The following THEMIS variants were observed in gnomAD, a reference collection of about 807,000 sequenced individuals.
THEMIS encodes protein THEMIS.
THEMIS carries 37 observed loss-of-function variants against 52.6 expected under a neutral mutation model. The observed-to-expected ratio is 0.70, with a 90% CI of 0.54 to 0.93. The LOEUF is 0.93. Among genes scored for constraint, THEMIS ranks in the 40% least tolerant of loss-of-function variants. The pLI is 0.00. For missense variants in THEMIS, 808 were observed against 763.1 expected, an observed-to-expected ratio of 1.06 and a Z score of -0.69; for synonymous variants, 292 against 272.7, an observed-to-expected ratio of 1.07 and a Z score of -0.70.
chr6:127,743,655 A>T (rs1443554963), intron 4 of THEMIS, among the ~76,000 whole-genome samples: 3 of 152,134 alleles, frequency 2.0e-5, no homozygotes, highest in Non-Finnish European at 4.4e-5. Context: ...TAGACATCTT[A>T]TTGTGCCCCC....
intron 4 of THEMIS, among the ~76,000 whole-genome samples, chr6:127,760,396 AT>A (rs1775982434): frequency 6.6e-6 from 1 of 152,050 alleles, no homozygotes; most frequent in South Asian, 2.1e-4. Context: ...TTTCAGAATT[AT>A]TTTTTCTATT....
chr6:127,728,038 G>A (rs1005626789), intron 4 of THEMIS, among the ~76,000 whole-genome samples: 3 of 152,156 alleles, frequency 2.0e-5, no homozygotes, highest in South Asian at 4.1e-4. Context: ...TCTCCATTTT[G>A]CTCAGAATGG....
At chr6:127,750,695 T>C (rs1775610706) in intron 4 of THEMIS, among the ~76,000 whole-genome samples, 2 of 151,770 alleles carry the variant, frequency 1.3e-5, no homozygotes, top group African/African-American at 4.8e-5. Context: ...GTTCAAGGTT[T>C]TGAGAACATT....
At chr6:127,777,589 A>G (rs1380415072) in intron 4 of THEMIS, among the ~76,000 whole-genome samples, 4 of 152,124 alleles carry the variant, frequency 2.6e-5, no homozygotes, top group African/African-American at 4.8e-5. Flanking sequence ...CTATCTGGGA[A>G]TAGCATGCTA....
At chr6:127,746,282 A>G (rs1324020517) in intron 4 of THEMIS, among the ~76,000 whole-genome samples, 1 of 151,840 alleles carries the variant, frequency 6.6e-6, no homozygotes, top group East Asian at 1.9e-4. Flanking sequence ...ATGCTGTGAA[A>G]GACAGTATTT....
At chr6:127,900,774 C>G (rs1781112386) in intron 1 of THEMIS, 68 bp downstream of exon 1, 1 of 1,377,614 alleles carries the variant, frequency 7.3e-7, no homozygotes, top group East Asian at 2.3e-5. Flanking sequence ...AATTCCCCCC[C>G]TCCAATTTTC....
chr6:127,698,950 G>T, the THEMIS span, among the ~76,000 whole-genome samples: 1 of 151,840 alleles, frequency 6.6e-6, no homozygotes, highest in African/African-American at 2.4e-5. Flanking sequence ...GATAATTCTA[G>T]AGTCTAGAAA....
intron 2 of THEMIS, among the ~76,000 whole-genome samples, chr6:127,852,489 T>G (rs1467791938): frequency 6.6e-6 from 1 of 151,494 alleles, no homozygotes; most frequent in Non-Finnish European, 1.5e-5. Flanking sequence ...AAAACAAGTC[T>G]CAATACATTT....
chr6:127,705,295 T>C (rs1216961263), downstream of THEMIS, among the ~76,000 whole-genome samples: 2 of 152,228 alleles, frequency 1.3e-5, no homozygotes, highest in African/African-American at 2.4e-5. Context: ...TCAGTAGATA[T>C]CAACTAGTCT....
At chr6:127,884,579 A>G (rs901290108) in intron 1 of THEMIS, among the ~76,000 whole-genome samples, 1 of 152,112 alleles carries the variant, frequency 6.6e-6, no homozygotes, top group African/African-American at 2.4e-5. Flanking sequence ...CCCAAAAGGA[A>G]CATGGTTTCT....
intron 2 of THEMIS, among the ~76,000 whole-genome samples, chr6:127,833,089 G>A (rs1238547899): frequency 6.6e-6 from 1 of 151,550 alleles, no homozygotes; most frequent in Non-Finnish European, 1.5e-5. Context: ...TGGCCTGTTA[G>A]TTCTCAAAAT....
chr6:127,809,603 A>G (rs1013769871), intron 4 of THEMIS, among the ~76,000 whole-genome samples: 40 of 152,080 alleles, frequency 2.6e-4, no homozygotes, highest in African/African-American at 8.9e-4. Context: ...AAAGAACTGT[A>G]GACTCTTCTC....
chr6:127,880,560 A>G (rs1170256439), intron 1 of THEMIS, among the ~76,000 whole-genome samples: 1 of 138,028 alleles, frequency 7.2e-6, no homozygotes. Flanking sequence ...TCCTGATGCC[A>G]AAAGACAAAT....
chr6:127,912,668 C>T (rs1192619710), intron 1 of THEMIS, among the ~76,000 whole-genome samples: 1 of 152,146 alleles, frequency 6.6e-6, no homozygotes, highest in Non-Finnish European at 1.5e-5. Flanking sequence ...TTTGAGAATT[C>T]TCAAACCTCT....
chr6:127,908,449 C>G (rs1025847759), intron 1 of THEMIS, among the ~76,000 whole-genome samples: 1 of 152,106 alleles, frequency 6.6e-6, no homozygotes, highest in Admixed American at 6.6e-5. Flanking sequence ...AGACTTGACT[C>G]AACTGAGTCG....
chr6:127,908,706 C>G (rs1242962610), intron 1 of THEMIS, among the ~76,000 whole-genome samples: 3 of 152,090 alleles, frequency 2.0e-5, no homozygotes, highest in African/African-American at 7.2e-5. Context: ...TGATGTAACT[C>G]TAACATTTTC....
chr6:127,744,219 A>G (rs1775305208), intron 4 of THEMIS, among the ~76,000 whole-genome samples: 1 of 152,032 alleles, frequency 6.6e-6, no homozygotes, highest in Admixed American at 6.6e-5. Context: ...TGGAAACAAC[A>G]TGTGTCTTTT....
At chr6:127,770,250 G>T (rs548178579) in intron 4 of THEMIS, among the ~76,000 whole-genome samples, 1 of 152,162 alleles carries the variant, frequency 6.6e-6, no homozygotes, top group Non-Finnish European at 1.5e-5. Context: ...CGGTGTAAAA[G>T]CATTCGTATT....
chr6:127,858,621 A>G (rs892469561), intron 1 of THEMIS, among the ~76,000 whole-genome samples: 4 of 152,134 alleles, frequency 2.6e-5, no homozygotes, highest in African/African-American at 9.7e-5. Flanking sequence ...TCTCAAAACA[A>G]ACACATAATA....
Sources: gnomAD v4.1 joint callset for allele counts (sites outside exome capture counted in the v4.1 genomes callset) on GRCh38, gnomAD v4.1.1 for gene constraint, MANE v1.5 for transcripts, NCBI Gene and HGNC (gene_info 2026-07-23, HGNC 2026-07-21) for gene names.